The following RAB27A variants were observed in gnomAD, a reference collection of about 807,000 sequenced individuals.
RAB27A encodes ras-related protein Rab-27A.
RAB27A carries 17 observed loss-of-function variants against 20.8 expected under a neutral mutation model. The observed-to-expected ratio is 0.82, with a 90% CI of 0.56 to 1.23. RAB27A has a LOEUF of 1.23. RAB27A is among the 50% of genes most tolerant of loss of function. The pLI, the probability that RAB27A is intolerant of heterozygous loss-of-function variation, is 0.00. For missense variants in RAB27A, 277 were observed against 266.7 expected (o/e 1.04, Z -0.27); for synonymous variants, 85 against 92.8 (o/e 0.92, Z 0.48).
intron 5 of RAB27A, 77 bp downstream of exon 5, chr15:55,228,532 A>G (rs1895898499): frequency 1.8e-6 from 2 of 1,118,024 alleles, no homozygotes; most frequent in Non-Finnish European, 1.4e-6. Flanking sequence ...GATTTGTCAC[A>G]GAAGTAGAGC....
chr15:55,248,750 TTTTAATAC>T (rs992829444), intron 2 of RAB27A, among the ~76,000 whole-genome samples: 36 of 152,320 alleles, frequency 2.4e-4, no homozygotes, highest in Non-Finnish European at 2.9e-5. Flanking sequence ...TTTCCTGATG[TTTTAATAC>T]CACTAAATCA....
At chr15:55,303,947 C>T (rs2054986745) in intron 2 of RAB27A, among the ~76,000 whole-genome samples, 1 of 149,002 alleles carries the variant, frequency 6.7e-6, no homozygotes, top group Non-Finnish European at 1.5e-5. Flanking sequence ...CGGCCACCAC[C>T]CTGTCTGGGA....
chr15:55,271,675 T>A (rs1487902824), intron 1 of RAB27A, among the ~76,000 whole-genome samples: 1 of 152,256 alleles, frequency 6.6e-6, no homozygotes, highest in Non-Finnish European at 1.5e-5. Flanking sequence ...AGGGGTTGTA[T>A]CTTGTTTTTT....
At position 55,310,471 on chromosome 15, in the gene RAB27A, C is replaced by T. The variant is rs180786706; in HGVS notation, c.-112+3568G>A. 4.1e-4 allele frequency among the ~76,000 whole-genome samples: 62 copies of T among 152,254 alleles called. No individual in the cohort carries two copies. In the South Asian group the frequency reaches 5.0e-3, roughly 12 times the overall value. ...TGGGGCAGTGGGCCTTCCAGTCATT[C>T]CCTTGACATAAGGGGCATGGACGAG... On this transcript the variant is annotated intron_variant, in intron 2 of 5. Coordinates refer to the RAB27A transcript ENST00000563262.
intron 6 of RAB27A, among the ~76,000 whole-genome samples, chr15:55,210,483 A>T (rs73409853): frequency 0.26 from 39,506 of 149,684 alleles, 6,809 homozygotes; most frequent in African/African-American, 0.49. Context: ...CTGGATGAGA[A>T]GTTATCTCAT....
chr15:55,306,117 G>A (rs77111417), intron 2 of RAB27A, among the ~76,000 whole-genome samples: 4,871 of 152,244 alleles, frequency 0.032, 88 homozygotes, highest in Non-Finnish European at 0.041. Context: ...TTCGTGGGGG[G>A]GAGTTACCCA....
chr15:55,215,883 T>C (rs965577719), intron 6 of RAB27A, among the ~76,000 whole-genome samples: 10 of 142,372 alleles, frequency 7.0e-5, no homozygotes, highest in Non-Finnish European at 1.2e-4. Flanking sequence ...GAGGCGGAGG[T>C]TGCAGTGAGC....
At chr15:55,290,682 C>T (rs891941940), upstream of RAB27A, among the ~76,000 whole-genome samples, 5 of 152,208 alleles carry the variant, frequency 3.3e-5, no homozygotes, top group African/African-American at 7.2e-5. Flanking sequence ...GGGTAGTGAA[C>T]CTGGGACTGC....
chr15:55,305,846 A>T (rs1566941145), intron 2 of RAB27A, among the ~76,000 whole-genome samples: 1 of 152,216 alleles, frequency 6.6e-6, no homozygotes, highest in Non-Finnish European at 1.5e-5. Context: ...AATAGTTTGT[A>T]GTAGAACTGA....
intron 2 of RAB27A, among the ~76,000 whole-genome samples, chr15:55,239,966 T>C (rs1595705539): frequency 6.6e-6 from 1 of 152,264 alleles, no homozygotes; most frequent in East Asian, 1.9e-4. Context: ...AAAATCATTC[T>C]AGTCTATACC....
chr15:55,235,335 C>T (rs1896210942), intron 2 of RAB27A, among the ~76,000 whole-genome samples: 2 of 152,084 alleles, frequency 1.3e-5, no homozygotes, highest in Non-Finnish European at 2.9e-5. Flanking sequence ...ATAATCCCAG[C>T]TACTCAGGAG....
Position 55,205,554 on chromosome 15 carries a change from T to G in RAB27A, c.619A>C (p.Thr207Pro). 6.2e-7 allele frequency: 1 copy of G among 1,614,188 alleles called. No individual in the cohort carries two copies. Among genetic ancestry groups the G allele is most frequent in the Non-Finnish European group, 8.5e-7 (1 of 1,180,038 alleles). ...GVVRSNGHAS[T>P]DQLSEEKEKG... ...TCCTTTTCTTCACTTAACTGATCCG[T>G]AGAGGCATGACCATTTGATCGCACC... Residue 207 changes from threonine to proline, a missense_variant, in exon 7 of 7, where the codon ACG becomes CCG. Thr to Pro is a conservative substitution (Grantham distance 38). Coordinates refer to ENST00000336787, the MANE Select transcript of RAB27A (RefSeq NM_183235.3).
chr15:55,244,276 C>A (rs1468501107), intron 2 of RAB27A, among the ~76,000 whole-genome samples: 1 of 152,142 alleles, frequency 6.6e-6, no homozygotes, highest in Non-Finnish European at 1.5e-5. Context: ...GATAGCACCA[C>A]TGCATTCCGG....
intron 1 of RAB27A, among the ~76,000 whole-genome samples, chr15:55,316,022 A>G (rs1338494796): frequency 6.6e-6 from 1 of 152,194 alleles, no homozygotes; most frequent in Admixed American, 6.5e-5. Flanking sequence ...TCACGAGGTC[A>G]GCAGATTGAA....
intron 2 of RAB27A, 109 bp downstream of exon 2, chr15:55,270,056 G>A (rs1453628075): frequency 1.3e-5 from 2 of 151,704 alleles, no homozygotes; most frequent in African/African-American, 4.8e-5. Context: ...AAAACAGTAC[G>A]TGCAATGGTA....
chr15:55,261,210 A>C (rs1442350114), intron 2 of RAB27A, among the ~76,000 whole-genome samples: 1 of 151,834 alleles, frequency 6.6e-6, no homozygotes, highest in East Asian at 1.9e-4. Flanking sequence ...CAGCCTGGCC[A>C]AGATGGTGAA....
At chr15:55,302,036 C>T (rs1020403673) in intron 2 of RAB27A, among the ~76,000 whole-genome samples, 2 of 151,890 alleles carry the variant, frequency 1.3e-5, no homozygotes, top group African/African-American at 4.8e-5. Context: ...AATTAGCCGA[C>T]CATGGTAGTT....
chr15:55,221,009 C>T (rs899497777), intron 6 of RAB27A, among the ~76,000 whole-genome samples: 5 of 152,144 alleles, frequency 3.3e-5, no homozygotes, highest in Non-Finnish European at 1.5e-5. Context: ...ATAGATTGAG[C>T]TCCTCTCTAT....
rs77162271 is a variant in RAB27A at position 55,268,643 on chromosome 15, A to C, written c.-23+1522T>G. On this transcript the variant is annotated intron_variant, in intron 2 of 6. Transcript: ENST00000336787. Reference sequence around the variant, plus strand: ...CAAAGCTAGATCCCTATATTTGATTAAACCATGGGTTAGTAGACAGGAACC... The same window carrying C: ...CAAAGCTAGATCCCTATATTTGATTCAACCATGGGTTAGTAGACAGGAACC... 1.5e-3 allele frequency among the ~76,000 whole-genome samples: 225 copies of C among 152,316 alleles called. 1 individual carries two copies. Among genetic ancestry groups the C allele is most frequent in the African/African-American group, 5.2e-3 (215 of 41,572 alleles).
Sources: allele counts gnomAD v4.1 joint callset (sites outside exome capture counted in the v4.1 genomes callset), GRCh38; gene constraint gnomAD v4.1.1; transcripts MANE v1.5; gene names NCBI Gene and HGNC (gene_info 2026-07-23, HGNC 2026-07-21).